Variants in PTPRD observed in about 807,000 individuals in gnomAD.
PTPRD encodes protein tyrosine phosphatase receptor type D.
PTPRD carries 34 observed loss-of-function variants against 214.5 expected under a neutral mutation model. That is an observed-to-expected ratio of 0.16 (90% confidence interval 0.12 to 0.21). The LOEUF is 0.21. Ranked by LOEUF, PTPRD falls within the 10% of genes least tolerant of loss-of-function variation. The probability of loss-of-function intolerance (pLI) is 1.00; values close to 1 mark genes in which losing one functional copy is unlikely to be tolerated. For synonymous variants in PTPRD, 1,128 were observed against 845.7 expected (o/e 1.33, Z -5.79); for missense variants, 2,545 against 2,398.7 (o/e 1.06, Z -1.27).
chr9:8,799,663 A>G (rs1457691266), intron 11 of PTPRD, among the ~76,000 whole-genome samples: 1 of 152,190 alleles, frequency 6.6e-6, no homozygotes, highest in Non-Finnish European at 1.5e-5. Context: ...GCCTTCCTTA[A>G]TAAAGATGGT....
chr9:8,329,868 G>C (rs1587485), intron 44 of PTPRD, among the ~76,000 whole-genome samples: 70,603 of 151,712 alleles, frequency 0.47, 18,174 homozygotes, highest in African/African-American at 0.67. Flanking sequence ...CTCCCCTCAC[G>C]AAGCTCGAAT....
chr9:10,036,780 C>A (rs919879683), intron 3 of PTPRD, among the ~76,000 whole-genome samples: 1 of 152,048 alleles, frequency 6.6e-6, no homozygotes, highest in Non-Finnish European at 1.5e-5. Context: ...GACAGGGTTT[C>A]ATCATGTTGG....
chr9:8,505,003 A>G lies in PTPRD; in HGVS notation c.1678-598T>C, dbSNP rs79332681. Among the ~76,000 whole-genome samples, 810 of 152,310 alleles carry G rather than the reference A, an allele frequency of 5.3e-3. 8 individuals are homozygous for G. Among genetic ancestry groups the G allele is most frequent in the African/African-American group, 0.018 (749 of 41,552 alleles). ...AAAGAAAGTTGAATAATTTATCTGAAACCACATTACTACCCTAGGTTGATC... is the reference window on the plus strand; with the variant it reads ...AAAGAAAGTTGAATAATTTATCTGAGACCACATTACTACCCTAGGTTGATC... On this transcript the variant is annotated intron_variant, in intron 22 of 45. Coordinates refer to ENST00000381196, the MANE Select transcript of PTPRD (RefSeq NM_002839.4).
intron 6 of PTPRD, among the ~76,000 whole-genome samples, chr9:9,749,873 T>A (rs954295325): frequency 6.6e-6 from 1 of 152,154 alleles, no homozygotes; most frequent in Non-Finnish European, 1.5e-5. Flanking sequence ...GTTTCATAAG[T>A]TGAAGTTGGA....
chr9:10,321,876 G>A (rs565879863), intron 3 of PTPRD, among the ~76,000 whole-genome samples: 12 of 151,968 alleles, frequency 7.9e-5, no homozygotes, highest in East Asian at 5.8e-4. Context: ...AGAGGAATTC[G>A]CATTACTCTC....
In PTPRD at chr9:9,141,061, T is replaced by G. The variant is rs1773977758; in HGVS notation, c.-143+42243A>C. 2.0e-5 allele frequency among the ~76,000 whole-genome samples: 3 copies of G among 152,012 alleles called. 1 individual carries two copies. The highest frequency in any genetic ancestry group is 2.0e-4 in the Admixed American group (3 of 15,274). On this transcript the variant is annotated intron_variant, in intron 10 of 45. Transcript: ENST00000381196. The stretch of plus-strand genomic sequence containing the variant: ...GTTTAAATCCTGTAAATATTCCACT[T>G]ATATTTTTTTCTCTGTCTCTGTCTC...
intron 12 of PTPRD, among the ~76,000 whole-genome samples, chr9:8,716,653 C>T (rs979683300): frequency 7.6e-6 from 1 of 131,182 alleles, no homozygotes; most frequent in East Asian, 1.9e-4. Flanking sequence ...CACATATAAA[C>T]CTAGACTTTA....
intron 3 of PTPRD, among the ~76,000 whole-genome samples, chr9:10,094,367 T>C (rs1006890712): frequency 1.3e-5 from 2 of 151,326 alleles, no homozygotes; most frequent in African/African-American, 4.8e-5. Flanking sequence ...AAATTTGACA[T>C]GATTTTCCAG....
At chr9:9,249,317 G>C (rs914093190) in intron 9 of PTPRD, among the ~76,000 whole-genome samples, 1 of 151,984 alleles carries the variant, frequency 6.6e-6, no homozygotes, top group Non-Finnish European at 1.5e-5. Flanking sequence ...CTGGTGCCCT[G>C]CTGGTACAGT....
At chr9:8,854,176 G>T (rs1030761881) in intron 11 of PTPRD, among the ~76,000 whole-genome samples, 2 of 152,100 alleles carry the variant, frequency 1.3e-5, no homozygotes, top group African/African-American at 4.8e-5. Flanking sequence ...AAGGTACCAT[G>T]ATTAAAGGCT....
chr9:10,225,004 G>T (rs140336735), intron 3 of PTPRD, among the ~76,000 whole-genome samples: 1 of 152,028 alleles, frequency 6.6e-6, no homozygotes, highest in Non-Finnish European at 1.5e-5. Flanking sequence ...GCTGTTAATA[G>T]TTAAGCTTTT....
At chr9:8,857,285 G>C (rs2097939463) in intron 11 of PTPRD, among the ~76,000 whole-genome samples, 1 of 152,144 alleles carries the variant, frequency 6.6e-6, no homozygotes, top group Non-Finnish European at 1.5e-5. Flanking sequence ...CCTGGGTAAG[G>C]GTGGATTGCC....
chr9:9,817,904 T>C (rs769939439), intron 5 of PTPRD, among the ~76,000 whole-genome samples: 3 of 152,188 alleles, frequency 2.0e-5, no homozygotes, highest in African/African-American at 4.8e-5. Flanking sequence ...AAGATCAATG[T>C]ACAGGATACT....
At chr9:8,515,210 T>A (rs2097762504) in intron 21 of PTPRD, among the ~76,000 whole-genome samples, 1 of 152,222 alleles carries the variant, frequency 6.6e-6, no homozygotes, top group South Asian at 2.1e-4. Context: ...AGTTTCTGAA[T>A]CACGTTTTAT....
At chr9:8,654,185 G>A (rs548110584) in intron 12 of PTPRD, among the ~76,000 whole-genome samples, 204 of 152,286 alleles carry the variant, frequency 1.3e-3, no homozygotes, top group African/African-American at 4.8e-3. Flanking sequence ...ACTACTGACT[G>A]TATCTCAAGA....
chr9:9,545,596 C>A (rs547181842), intron 8 of PTPRD, among the ~76,000 whole-genome samples: 2 of 151,750 alleles, frequency 1.3e-5, no homozygotes, highest in Non-Finnish European at 2.9e-5. Flanking sequence ...TTTGCATGGA[C>A]CAAAATTTTT....
chr9:10,347,990 G>T (rs1704036199), intron 2 of PTPRD, among the ~76,000 whole-genome samples: 1 of 151,966 alleles, frequency 6.6e-6, no homozygotes. Context: ...CCCAGGAGGT[G>T]GTGGCTGCAG....
intron 11 of PTPRD, among the ~76,000 whole-genome samples, chr9:8,965,793 T>C (rs1472272782): frequency 1.3e-5 from 2 of 152,068 alleles, no homozygotes; most frequent in Admixed American, 6.6e-5. Context: ...GCCAGAGCAA[T>C]TAGGCAAGAT....
At chr9:10,607,292 T>C (rs2079679642) in intron 2 of PTPRD, among the ~76,000 whole-genome samples, 2 of 152,046 alleles carry the variant, frequency 1.3e-5, no homozygotes, top group East Asian at 3.9e-4. Flanking sequence ...TATGGTGTAT[T>C]GTTGAACTTT....
Sources: gnomAD v4.1 joint callset for allele counts (sites outside exome capture counted in the v4.1 genomes callset) on GRCh38, gnomAD v4.1.1 for gene constraint, MANE v1.5 for transcripts, NCBI Gene and HGNC (gene_info 2026-07-23, HGNC 2026-07-21) for gene names.